Variants in NREP observed in about 807,000 individuals in gnomAD.
NREP encodes neuronal regeneration related protein, also known as neuronal regeneration-related protein.
In NREP, 5 loss-of-function variants were observed where a neutral mutation model predicts 8.6. That is an observed-to-expected ratio of 0.58 (90% CI 0.30 to 1.22). The LOEUF is 1.22. NREP is among the 50% of genes most tolerant of loss of function. NREP has a pLI of 0.07. For missense variants in NREP, 86 were observed against 82.5 expected (o/e 1.04, Z -0.17); for synonymous variants, 27 against 28.0 (o/e 0.96, Z 0.11).
At chr5:111,809,138 T>A (rs12517977) in intron 2 of NREP, among the ~76,000 whole-genome samples, 47,755 of 152,118 alleles carry the variant, frequency 0.31, 8,350 homozygotes, top group Non-Finnish European at 0.4. Flanking sequence ...AGGCATTTTT[T>A]AAAATATGCC....
chr5:111,773,232 T>C (rs1280842806), intron 2 of NREP, among the ~76,000 whole-genome samples: 1 of 152,178 alleles, frequency 6.6e-6, no homozygotes, highest in Non-Finnish European at 1.5e-5. Flanking sequence ...AAAGGAACTA[T>C]TATCTGCTCA....
chr5:111,815,746 A>G (rs1561677919), intron 2 of NREP, among the ~76,000 whole-genome samples: 2 of 152,280 alleles, frequency 1.3e-5, no homozygotes, highest in East Asian at 3.9e-4. Flanking sequence ...AATACATAAC[A>G]AGCCACAGAT....
chr5:111,818,983 T>C (rs1752455208), intron 2 of NREP, among the ~76,000 whole-genome samples: 1 of 152,226 alleles, frequency 6.6e-6, no homozygotes, highest in Non-Finnish European at 1.5e-5. Flanking sequence ...TTATGGTAGT[T>C]ATACTTGTTA....
At chr5:111,859,119 A>G (rs1189931309) in intron 2 of NREP, among the ~76,000 whole-genome samples, 1 of 152,148 alleles carries the variant, frequency 6.6e-6, no homozygotes, top group African/African-American at 2.4e-5. Flanking sequence ...GTTGAGACTG[A>G]AGAAGATGGT....
intron 2 of NREP, among the ~76,000 whole-genome samples, chr5:111,873,904 C>T (rs945507221): frequency 9.9e-5 from 15 of 152,142 alleles, no homozygotes; most frequent in Non-Finnish European, 1.9e-4. Context: ...CTTCTTCCCA[C>T]TCTCTTCCCA....
At chr5:111,903,001 T>C (rs1300315646) in intron 2 of NREP, among the ~76,000 whole-genome samples, 1 of 152,058 alleles carries the variant, frequency 6.6e-6, no homozygotes, top group Non-Finnish European at 1.5e-5. Context: ...TACAAAAGTG[T>C]CCTGACTTTT....
At chr5:111,850,533 T>A (rs1753282994) in intron 2 of NREP, among the ~76,000 whole-genome samples, 2 of 152,164 alleles carry the variant, frequency 1.3e-5, no homozygotes, top group African/African-American at 4.8e-5. Flanking sequence ...CAATATTATT[T>A]TTTTTTCTAC....
At chr5:111,741,163 A>T (rs1749620945) in intron 2 of NREP, among the ~76,000 whole-genome samples, 2 of 152,192 alleles carry the variant, frequency 1.3e-5, no homozygotes, top group Non-Finnish European at 2.9e-5. Flanking sequence ...GGGTATGCGT[A>T]TCTGTCTCCT....
At chr5:111,854,845 A>C (rs1753390875) in intron 2 of NREP, among the ~76,000 whole-genome samples, 1 of 152,160 alleles carries the variant, frequency 6.6e-6, no homozygotes, top group South Asian at 2.1e-4. Flanking sequence ...ATTCTTCCAG[A>C]TCTTTACACA....
At chr5:111,739,319 G>A (rs1581047217) in intron 2 of NREP, 7 of 152,352 alleles carry the variant, frequency 4.6e-5, no homozygotes, top group Admixed American at 4.6e-4. Context: ...ATGATAGAAG[G>A]GTGAGGGATA....
At chr5:111,839,078 A>G (rs1353006675) in intron 2 of NREP, among the ~76,000 whole-genome samples, 1 of 152,154 alleles carries the variant, frequency 6.6e-6, no homozygotes, top group Non-Finnish European at 1.5e-5. Context: ...TCAAATATAC[A>G]TGAAATCATA....
intron 2 of NREP, among the ~76,000 whole-genome samples, chr5:111,909,516 T>C (rs567600576): frequency 6.6e-6 from 1 of 152,212 alleles, no homozygotes; most frequent in South Asian, 2.1e-4. Flanking sequence ...TTAGTGTATT[T>C]AGCAGCTCAA....
intron 2 of NREP, among the ~76,000 whole-genome samples, chr5:111,952,115 T>C (rs539937798): frequency 3.2e-4 from 48 of 152,232 alleles, no homozygotes; most frequent in African/African-American, 1.1e-3. Flanking sequence ...ACTCCTTCCC[T>C]TTCCCGACGA....
At chr5:111,735,323 G>C (rs1437953426) in intron 3 of NREP, 107 bp downstream of exon 3, 2 of 696,166 alleles carry the variant, frequency 2.9e-6, no homozygotes, top group East Asian at 5.2e-5. Flanking sequence ...TTAATGGATT[G>C]TTATAGCAGC....
At chr5:111,882,036 T>A (rs1011533468) in intron 2 of NREP, among the ~76,000 whole-genome samples, 1 of 152,168 alleles carries the variant, frequency 6.6e-6, no homozygotes, top group African/African-American at 2.4e-5. Context: ...TACTCCGAGC[T>A]ACAGGAGGAA....
intron 2 of NREP, among the ~76,000 whole-genome samples, chr5:111,862,147 T>C (rs1416597014): frequency 6.6e-6 from 1 of 152,214 alleles, no homozygotes; most frequent in Non-Finnish European, 1.5e-5. Flanking sequence ...TTGGCAATTA[T>C]GTTTGGCAAG....
intron 2 of NREP, among the ~76,000 whole-genome samples, chr5:111,958,421 A>G (rs1756388760): frequency 6.6e-6 from 1 of 151,990 alleles, no homozygotes; most frequent in Non-Finnish European, 1.5e-5. Flanking sequence ...TTTACCACAT[A>G]GAGAAATCCA....
At chr5:111,924,416 G>A (rs890311142) in intron 2 of NREP, among the ~76,000 whole-genome samples, 1 of 151,846 alleles carries the variant, frequency 6.6e-6, no homozygotes, top group Admixed American at 6.6e-5. Context: ...GAGAGATCTT[G>A]GAAGGCAAAT....
At position 111,740,558 on chromosome 5, in the gene NREP, G is replaced by A. The variant is rs140368158; in HGVS notation, c.4-5051C>T. 3.3e-5 allele frequency among the ~76,000 whole-genome samples: 5 copies of A among 152,006 alleles called. No homozygotes were observed. The East Asian group carries it at 9.7e-4, about 29-fold the overall frequency. ...AGTCTATAAAGTAATTAGCTCACCG[G>A]TAATTATTGCTTAGTATAAACTATT... is the stretch of plus-strand genomic sequence containing the variant. On this transcript the variant is annotated intron_variant, in intron 2 of 3. Transcript: ENST00000257435.
Sources: gnomAD v4.1 joint callset for allele counts (sites outside exome capture counted in the v4.1 genomes callset) on GRCh38, gnomAD v4.1.1 for gene constraint, MANE v1.5 for transcripts, NCBI Gene and HGNC (gene_info 2026-07-23, HGNC 2026-07-21) for gene names.